ZNF624: variants seen among roughly 807,000 people sequenced by gnomAD.
The protein encoded by ZNF624 is zinc finger protein 624.
In ZNF624, 43 loss-of-function variants were observed where a neutral mutation model predicts 74.7. The observed-to-expected ratio is 0.58, with a 90% confidence interval of 0.45 to 0.74. The LOEUF is 0.74. ZNF624 is among the 30% of genes least tolerant of loss of function. The pLI is 0.00. For missense variants in ZNF624, 820 were observed against 1,030.0 expected (o/e 0.80, Z 2.79); for synonymous variants, 331 against 341.3 (o/e 0.97, Z 0.33).
chr17:16,621,166 A>G lies in ZNF624; in HGVS notation c.*1122T>C, dbSNP rs927669756. The G allele has an allele frequency of 1.3e-5, 2 of 152,248 alleles. No homozygotes were observed. The highest frequency in any genetic ancestry group is 2.9e-5 in the Non-Finnish European group (2 of 68,044). The allele number at this position is 152,248 out of a possible 1,614,324, so 9.4% of individuals were successfully genotyped here. ...TGTATATATACATTTGTTATAAAGC[A>G]ATTATTTATCAATACATTGTGGAAA... is the stretch of plus-strand genomic sequence containing the variant. On this transcript the variant is annotated 3_prime_UTR_variant, in exon 6 of 6. Transcript: ENST00000311331.
rs1908950020 is a variant in ZNF624, at chr17:16,622,639, C to T, written c.2247G>A (p.Glu749=). 2 of 1,614,096 alleles carry T rather than the reference C, an allele frequency of 1.2e-6. No homozygotes were observed. The highest frequency in any genetic ancestry group is 1.7e-6 in the Non-Finnish European group (2 of 1,179,982). Residue 749 remains glutamate, a synonymous_variant, in exon 6 of 6, where the codon GAG becomes GAA. Coordinates refer to ENST00000311331, the MANE Select transcript of ZNF624 (RefSeq NM_020787.4). ...CACAGACATCACACTTATAGGGCTT[C>T]TCTCCACTATGGATTTTCTGATGTT... ...VTEHQKIHSG[E]KPYKCDVCGK...
chr17:16,625,349 T>C (rs1909045511), intron 5 of ZNF624, among the ~76,000 whole-genome samples: 1 of 152,018 alleles, frequency 6.6e-6, no homozygotes, highest in Non-Finnish European at 1.5e-5. Context: ...GCCCGGCTCA[T>C]TTTTGTATTT....
At chr17:16,617,467 G>C, downstream of ZNF624, 1 of 1,608,822 alleles carries the variant, frequency 6.2e-7, no homozygotes, top group South Asian at 1.1e-5. Context: ...GTGGGCATCC[G>C]CACAGGTTAC....
At chr17:16,625,168 A>G (rs962690725) in intron 5 of ZNF624, among the ~76,000 whole-genome samples, 1 of 152,000 alleles carries the variant, frequency 6.6e-6, no homozygotes, top group Non-Finnish European at 1.5e-5. Context: ...TTAGTCCCCA[A>G]TCACACTTTC....
At chr17:16,648,042 T>A (rs2142654747) in intron 2 of ZNF624, among the ~76,000 whole-genome samples, 2 of 152,086 alleles carry the variant, frequency 1.3e-5, no homozygotes, top group East Asian at 3.9e-4. Flanking sequence ...TTCAAGTGAT[T>A]CTCCTGTCTC....
At chr17:16,647,784 A>G (rs576679907) in intron 2 of ZNF624, among the ~76,000 whole-genome samples, 5 of 152,312 alleles carry the variant, frequency 3.3e-5, no homozygotes, top group African/African-American at 1.2e-4. Context: ...TGTTTTCTAC[A>G]ATTGAAAAAT....
chr17:16,649,533 T>C (rs948703606), intron 2 of ZNF624, 125 bp downstream of exon 2: 5 of 773,376 alleles, frequency 6.5e-6, no homozygotes, highest in Non-Finnish European at 1.1e-5. Flanking sequence ...CCAATTTTCA[T>C]GGGTCTATTT....
At chr17:16,625,391 A>C (rs1160432832) in intron 5 of ZNF624, among the ~76,000 whole-genome samples, 1 of 152,152 alleles carries the variant, frequency 6.6e-6, no homozygotes, top group African/African-American at 2.4e-5. Context: ...CATGTTGGCC[A>C]GGCTGGTCTT....
chr17:16,644,709 G>A (rs1451000406), intron 3 of ZNF624, among the ~76,000 whole-genome samples: 1 of 152,184 alleles, frequency 6.6e-6, no homozygotes, highest in Non-Finnish European at 1.5e-5. Flanking sequence ...CACACCTCAA[G>A]CTAGAATAGA....
At chr17:16,634,302 G>T (rs549397284) in intron 4 of ZNF624, among the ~76,000 whole-genome samples, 1 of 152,308 alleles carries the variant, frequency 6.6e-6, no homozygotes, top group African/African-American at 2.4e-5. Context: ...TGGGATAATA[G>T]ATTGTGGAAA....
chr17:16,626,177 C>T (rs1183991428), intron 5 of ZNF624, among the ~76,000 whole-genome samples: 2 of 152,162 alleles, frequency 1.3e-5, no homozygotes, highest in Non-Finnish European at 2.9e-5. Flanking sequence ...TCTCCATCTC[C>T]TGGCCTCAAG....
At chr17:16,628,958 G>A (rs1328288585) in intron 5 of ZNF624, among the ~76,000 whole-genome samples, 1 of 152,058 alleles carries the variant, frequency 6.6e-6, no homozygotes, top group Non-Finnish European at 1.5e-5. Flanking sequence ...CAGCACTTTG[G>A]GAAGCCAAGA....
chr17:16,638,226 G>A (rs1909380930), intron 3 of ZNF624, among the ~76,000 whole-genome samples: 1 of 152,224 alleles, frequency 6.6e-6, no homozygotes. Context: ...AGGTGCTGGA[G>A]AGGATGTGGA....
chr17:16,646,575 T>G (rs936467905), intron 3 of ZNF624, among the ~76,000 whole-genome samples: 2 of 152,168 alleles, frequency 1.3e-5, no homozygotes, highest in African/African-American at 4.8e-5. Context: ...GATGTACAGA[T>G]AGTGGAAAAA....
At position 16,623,414 on chromosome 17, in the gene ZNF624, A is replaced by G. The variant is rs1053719164; in HGVS notation, c.1472T>C (p.Ile491Thr). The change falls in exon 6 of 6, where the codon ATA becomes ACA. Residue 491 changes from isoleucine to threonine, a missense_variant. Physicochemically the swap from Ile to Thr is moderately conservative, Grantham distance 89 (BLOSUM62 -1). Transcript: ENST00000311331. This position sits in a 1 kb window ranked among gnomAD's most constrained non-coding sequence, Gnocchi z 5.3. ...GGGTTTTTCCCCAGTGTGAGTTCTT[A>G]TATGTACGATAAGGCTTGAATTACT... ...YRSNSSLIVH[I>T]RTHTGEKPYE... 9.3e-6 allele frequency: 15 copies of G among 1,613,616 alleles called. No homozygotes were observed. The African/African-American group carries it at 1.2e-4, about 13-fold the overall frequency.
chr17:16,628,731 A>G (rs1909132377), intron 5 of ZNF624, among the ~76,000 whole-genome samples: 1 of 152,148 alleles, frequency 6.6e-6, no homozygotes, highest in South Asian at 2.1e-4. Context: ...GAATGGACAG[A>G]AGCTAAGTCA....
chr17:16,648,066 G>C (rs1195588363), intron 2 of ZNF624, among the ~76,000 whole-genome samples: 2 of 151,888 alleles, frequency 1.3e-5, no homozygotes, highest in Non-Finnish European at 2.9e-5. Context: ...CTCCTGAGTA[G>C]CTGGGACTAT....
chr17:16,644,875 T>C (rs1441102321), intron 3 of ZNF624, among the ~76,000 whole-genome samples: 4 of 152,220 alleles, frequency 2.6e-5, no homozygotes, highest in Non-Finnish European at 5.9e-5. Context: ...TGTCAGAAAT[T>C]GTGTAGTCTG....
intron 3 of ZNF624, among the ~76,000 whole-genome samples, chr17:16,635,444 T>C (rs1367441974): frequency 1.3e-5 from 2 of 151,920 alleles, no homozygotes. Flanking sequence ...GACTTGACTT[T>C]TGAACCATGT....
Sources: gnomAD v4.1 joint callset for allele counts (sites outside exome capture counted in the v4.1 genomes callset) on GRCh38, gnomAD v4.1.1 for gene constraint, Gnocchi (gnomAD v3.1) non-coding constraint, MANE v1.5 for transcripts, NCBI Gene and HGNC (gene_info 2026-07-23, HGNC 2026-07-21) for gene names.